BRINP3: variants seen among roughly 807,000 people sequenced by gnomAD.
BRINP3 encodes BMP/retinoic acid inducible neural specific 3.
BRINP3 carries 19 observed loss-of-function variants against 71.0 expected under a neutral mutation model. The observed-to-expected ratio is 0.27, with a 90% confidence interval of 0.19 to 0.39. The LOEUF is 0.39. Ranked by LOEUF, BRINP3 falls within the 10% of genes least tolerant of loss-of-function variation. The pLI, the probability that BRINP3 is intolerant of heterozygous loss-of-function variation, is 1.00. For synonymous variants in BRINP3, 380 were observed against 337.7 expected, an observed-to-expected ratio of 1.13 and a Z score of -1.37; for missense variants, 959 against 940.8, an observed-to-expected ratio of 1.02 and a Z score of -0.25.
intron 6 of BRINP3, among the ~76,000 whole-genome samples, chr1:190,173,491 G>A (rs183057805): frequency 2.6e-5 from 4 of 152,202 alleles, no homozygotes; most frequent in South Asian, 2.1e-4. Context: ...ATCTCCTCAC[G>A]CCCTTGAAGC....
At chr1:190,159,779 A>T (rs1450754078) in intron 7 of BRINP3, among the ~76,000 whole-genome samples, 1 of 151,904 alleles carries the variant, frequency 6.6e-6, no homozygotes, top group African/African-American at 2.4e-5. Context: ...ATGGTTGCAT[A>T]GTTTTTTTTT....
At chr1:190,313,336 AATAG>A (rs1007960265) in intron 2 of BRINP3, among the ~76,000 whole-genome samples, 1 of 151,978 alleles carries the variant, frequency 6.6e-6, no homozygotes, top group Non-Finnish European at 1.5e-5. Flanking sequence ...AAGTTAAAGA[AATAG>A]ATAGCATAGA....
At chr1:190,365,529 A>C (rs966927387) in intron 2 of BRINP3, among the ~76,000 whole-genome samples, 11 of 147,972 alleles carry the variant, frequency 7.4e-5, no homozygotes, top group African/African-American at 2.2e-4. Flanking sequence ...TTATAATTAT[A>C]ATGTGATGTA....
At chr1:190,217,744 T>C (rs1656532556) in intron 6 of BRINP3, among the ~76,000 whole-genome samples, 1 of 152,038 alleles carries the variant, frequency 6.6e-6, no homozygotes, top group Non-Finnish European at 1.5e-5. Context: ...AGATTTATTC[T>C]GTAGATCACT....
At chr1:190,134,747 C>A (rs1452781132) in intron 7 of BRINP3, among the ~76,000 whole-genome samples, 1 of 152,014 alleles carries the variant, frequency 6.6e-6, no homozygotes, top group Non-Finnish European at 1.5e-5. Context: ...TACATTTTAA[C>A]CCATGCTTTT....
chr1:190,437,989 G>T (rs1674578249), intron 2 of BRINP3, among the ~76,000 whole-genome samples: 1 of 151,212 alleles, frequency 6.6e-6, no homozygotes, highest in Non-Finnish European at 1.5e-5. Flanking sequence ...TTATATTTAT[G>T]TATAGGTAAT....
In BRINP3 at chr1:190,433,066, G is replaced by A. The variant is rs746291506; in HGVS notation, c.236+21589C>T. On this transcript the variant is annotated intron_variant, in intron 2 of 7. Transcript: ENST00000367462. ...TTTCATTAACCTAGTTATCATTAACGAACTGAGTAGTTCGGAATATTGTTC... is the reference window on the plus strand; with the variant it reads ...TTTCATTAACCTAGTTATCATTAACAAACTGAGTAGTTCGGAATATTGTTC... Among the ~76,000 whole-genome samples the A allele has an allele frequency of 1.4e-4, 22 of 152,160 alleles. No homozygotes were observed. The East Asian group carries it at 2.9e-3, about 20-fold the overall frequency.
intron 4 of BRINP3, among the ~76,000 whole-genome samples, chr1:190,257,886 G>C (rs1371712248): frequency 6.6e-6 from 1 of 152,272 alleles, no homozygotes; most frequent in Non-Finnish European, 1.5e-5. Context: ...CCTGTATGAG[G>C]TGTCAGTTGG....
At chr1:190,177,699 T>C (rs1439216086) in intron 6 of BRINP3, among the ~76,000 whole-genome samples, 1 of 152,162 alleles carries the variant, frequency 6.6e-6, no homozygotes, top group Non-Finnish European at 1.5e-5. Context: ...TTATAATTAA[T>C]TTGACAATCA....
At chr1:190,135,168 AT>A (rs1021440034) in intron 7 of BRINP3, among the ~76,000 whole-genome samples, 4 of 152,134 alleles carry the variant, frequency 2.6e-5, no homozygotes, top group African/African-American at 9.7e-5. Context: ...TAACAAATGC[AT>A]ATGGGAATTA....
intron 2 of BRINP3, among the ~76,000 whole-genome samples, chr1:190,364,898 A>C (rs114501637): frequency 1.3e-5 from 2 of 152,138 alleles, no homozygotes; most frequent in African/African-American, 2.4e-5. Context: ...GACTATGTAG[A>C]GAATTAATTC....
At chr1:190,264,594 T>G (rs1177635183) in intron 4 of BRINP3, among the ~76,000 whole-genome samples, 3 of 152,192 alleles carry the variant, frequency 2.0e-5, no homozygotes, top group Non-Finnish European at 4.4e-5. Context: ...AGGGAGTCTG[T>G]GTACCCCAAG....
chr1:190,116,104 C>T (rs552762065), intron 7 of BRINP3, among the ~76,000 whole-genome samples: 14 of 152,166 alleles, frequency 9.2e-5, no homozygotes, highest in Non-Finnish European at 1.5e-4. Context: ...CCTAAAGCTG[C>T]GTACAATACT....
intron 2 of BRINP3, among the ~76,000 whole-genome samples, chr1:190,336,973 T>A (rs1026523785): frequency 6.6e-6 from 1 of 151,530 alleles, no homozygotes; most frequent in African/African-American, 2.4e-5. Flanking sequence ...TAAATAACTT[T>A]AGAATGTAAT....
intron 2 of BRINP3, among the ~76,000 whole-genome samples, chr1:190,307,741 T>A (rs1665220635): frequency 6.6e-6 from 1 of 151,956 alleles, no homozygotes; most frequent in Non-Finnish European, 1.5e-5. Context: ...AGTAACTTTC[T>A]TTTTTTCATT....
chr1:190,105,796 CA>C (rs559095169), intron 7 of BRINP3, among the ~76,000 whole-genome samples: 11 of 151,522 alleles, frequency 7.3e-5, no homozygotes, highest in African/African-American at 7.3e-5. Context: ...TAATATAGTT[CA>C]AAAAAATCAA....
chr1:190,196,907 C>T (rs1425489241), intron 6 of BRINP3, among the ~76,000 whole-genome samples: 1 of 150,188 alleles, frequency 6.7e-6, no homozygotes, highest in East Asian at 2.0e-4. Context: ...TTGAAATAAG[C>T]TCATCGTTAT....
chr1:190,290,790 C>G (rs752918402), intron 2 of BRINP3, among the ~76,000 whole-genome samples: 12 of 152,106 alleles, frequency 7.9e-5, no homozygotes, highest in Non-Finnish European at 1.0e-4. Flanking sequence ...GAATTTGAAT[C>G]TAGGGGGTGA....
chr1:190,202,428 T>C (rs1284808018), intron 6 of BRINP3, among the ~76,000 whole-genome samples: 1 of 152,136 alleles, frequency 6.6e-6, no homozygotes, highest in Non-Finnish European at 1.5e-5. Flanking sequence ...AGACTTCGTA[T>C]TGTGGACTTT....
Sources: gnomAD v4.1 joint callset for allele counts (sites outside exome capture counted in the v4.1 genomes callset) on GRCh38, gnomAD v4.1.1 for gene constraint, MANE v1.5 for transcripts, NCBI Gene and HGNC (gene_info 2026-07-23, HGNC 2026-07-21) for gene names.